The following CNGB1 variants were observed in gnomAD, a reference collection of about 807,000 sequenced individuals.
The protein encoded by CNGB1 is cyclic nucleotide gated channel subunit beta 1.
In CNGB1, 126 loss-of-function variants were observed where a neutral mutation model predicts 151.7. The ratio of observed to expected loss-of-function variants is 0.83; its 90% CI spans 0.72 to 0.96. The LOEUF (loss-of-function observed/expected upper bound fraction) is 0.96. CNGB1 is among the 40% of genes least tolerant of loss of function. The pLI is 0.00. For synonymous variants in CNGB1, 623 were observed against 635.1 expected (o/e 0.98, Z 0.29); for missense variants, 1,698 against 1,627.0 (o/e 1.04, Z -0.75).
Position 57,916,651 on chromosome 16 carries a change from C to T in CNGB1, c.2167-472G>A, listed in dbSNP as rs77249495. 2.1e-3 allele frequency among the ~76,000 whole-genome samples: 322 copies of T among 152,308 alleles called. 1 individual carries two copies. The highest frequency in any genetic ancestry group is 7.5e-3 in the African/African-American group (310 of 41,566). On this transcript the variant is annotated intron_variant, in intron 21 of 32. Transcript: ENST00000251102. ...CGGGGTGGAATTTTGGAAAGTGACC[C>T]ACACTGGGAGACAGGGACTGTGTCT...
At chr16:57,895,032 GC>G (rs1370215381) in intron 31 of CNGB1, among the ~76,000 whole-genome samples, 2 of 152,132 alleles carry the variant, frequency 1.3e-5, no homozygotes, top group African/African-American at 2.4e-5. Context: ...CTACCTAGAA[GC>G]CTTACTTTTT....
chr16:57,950,614 C>CCTGCAGGGAGT, intron 12 of CNGB1, 74 bp from the exon 13 acceptor site: 1 of 1,558,870 alleles, frequency 6.4e-7, no homozygotes, highest in Non-Finnish European at 8.8e-7. Flanking sequence ...TCCCAGGGAG[C>CCTGCAGGGAGT]CTGCAGGGAG....
At chr16:57,910,971 G>A (rs1416654503) in intron 25 of CNGB1, among the ~76,000 whole-genome samples, 4 of 152,018 alleles carry the variant, frequency 2.6e-5, no homozygotes, top group South Asian at 2.1e-4. Context: ...TGGTTCGCAC[G>A]TCATCATCAT....
intron 22 of CNGB1, among the ~76,000 whole-genome samples, chr16:57,915,913 A>AT (rs60222721): frequency 1.4e-5 from 2 of 147,120 alleles, no homozygotes; most frequent in African/African-American, 5.1e-5. Flanking sequence ...AAAAAAAAAA[A>AT]GAAAAGAAAA....
At chr16:57,968,352 C>T (rs749168541) in intron 1 of CNGB1, among the ~76,000 whole-genome samples, 44 of 152,114 alleles carry the variant, frequency 2.9e-4, no homozygotes, top group Non-Finnish European at 1.3e-4. Context: ...CAAAAATTAG[C>T]TGGGCATGGT....
chr16:57,903,698 G>T, intron 27 of CNGB1, 124 bp downstream of exon 27: 1 of 1,213,478 alleles, frequency 8.2e-7, no homozygotes, highest in Non-Finnish European at 1.2e-6. Flanking sequence ...AGCCAAGACA[G>T]GCCCCAGTAC....
chr16:57,897,400 G>C lies in CNGB1; in HGVS notation c.3239C>G (p.Ala1080Gly), dbSNP rs1960260343. 1 of 1,613,968 alleles carries C rather than the reference G, an allele frequency of 6.2e-7. No homozygotes were observed. Among genetic ancestry groups the C allele is most frequent in the African/African-American group, 1.3e-5 (1 of 74,888 alleles). ...PESQKLLRKK[A>G]RRMLRSNNKP... Reference sequence around the variant, plus strand: ...AAACGAAAGAAAAGTTACATACCTGGCTTTCTTCCGGAGTAACTTCTGAGA... The same window carrying C: ...AAACGAAAGAAAAGTTACATACCTGCCTTTCTTCCGGAGTAACTTCTGAGA... Residue 1080 changes from alanine to glycine, a missense_variant, in exon 31 of 33, where the codon GCC becomes GGC. By Grantham distance (60) the Ala-to-Gly change is moderately conservative (BLOSUM62 0). Coordinates refer to ENST00000251102, the MANE Select transcript of CNGB1 (RefSeq NM_001297.5).
intron 11 of CNGB1, 111 bp downstream of exon 11, chr16:57,958,299 G>A: frequency 5.2e-6 from 3 of 573,594 alleles, no homozygotes; most frequent in Non-Finnish European, 2.7e-6. Context: ...AGACAGGAAG[G>A]CTGGGGGAGC....
At chr16:57,922,222 T>C (rs1961055578) in intron 18 of CNGB1, among the ~76,000 whole-genome samples, 2 of 152,110 alleles carry the variant, frequency 1.3e-5, no homozygotes, top group South Asian at 4.1e-4. Context: ...GCCTACTGTC[T>C]CCTGTGGCTC....
In CNGB1 at chr16:57,901,378, G is replaced by A. The variant is rs1161913683; in HGVS notation, c.2950C>T (p.Leu984=). 6.2e-7 allele frequency: 1 copy of A among 1,614,186 alleles called. No individual in the cohort carries two copies. Among genetic ancestry groups the A allele is most frequent in the Admixed American group, 1.7e-5 (1 of 60,020 alleles). Residue 984 remains leucine, a synonymous_variant, in exon 29 of 33, where the codon CTG becomes TTG. Coordinates refer to ENST00000251102, the MANE Select transcript of CNGB1 (RefSeq NM_001297.5). The stretch of plus-strand genomic sequence containing the variant: ...TTCTTGCACACATAGTCGTTGGGCA[G>A]GTAGACAACAGAGCGAAGCCTCTTC... ...MLKRLRSVVY[L]PNDYVCKKGE...
intron 15 of CNGB1, among the ~76,000 whole-genome samples, 188 bp from the exon 16 acceptor site, chr16:57,939,780 C>T (rs1339771556): frequency 6.6e-6 from 1 of 152,220 alleles, no homozygotes; most frequent in Non-Finnish European, 1.5e-5. Context: ...CTGTAGAGGG[C>T]AGTGCACCCA....
chr16:57,948,837 A>G (rs1260093022), intron 14 of CNGB1, among the ~76,000 whole-genome samples: 1 of 152,132 alleles, frequency 6.6e-6, no homozygotes, highest in Non-Finnish European at 1.5e-5. Flanking sequence ...CTGTGTGTTT[A>G]ACATTGAAAT....
intron 31 of CNGB1, among the ~76,000 whole-genome samples, chr16:57,892,549 C>T (rs1310931154): frequency 2.0e-5 from 3 of 152,134 alleles, no homozygotes; most frequent in African/African-American, 7.2e-5. Flanking sequence ...ACACTACATC[C>T]TTTTACCTCG....
chr16:57,893,659 G>A (rs1344662687), intron 31 of CNGB1, among the ~76,000 whole-genome samples: 1 of 152,140 alleles, frequency 6.6e-6, no homozygotes, highest in Non-Finnish European at 1.5e-5. Flanking sequence ...TTAGCCGGGT[G>A]TGGTGGCATG....
rs548625073 is a variant in CNGB1, at chr16:57,957,810, TGGGACAACTGCAGTTCTGA to T, written c.838-452_838-434del. Among the ~76,000 whole-genome samples, 12 of 152,340 alleles carry T rather than the reference TGGGACAACTGCAGTTCTGA, an allele frequency of 7.9e-5. No individual in the cohort carries two copies. In the South Asian group the frequency reaches 2.5e-3, roughly 32 times the overall value. ...TGTAAACAACTGACCATTGGTCAGC[TGGGACAACTGCAGTTCTGA>T]GAGGGCCAGAGCTGAGGCCACACAG... On this transcript the variant is annotated intron_variant, in intron 11 of 32. Transcript: ENST00000251102.
At chr16:57,964,607 A>C in intron 2 of CNGB1, 63 bp from the exon 3 acceptor site, 1 of 1,536,584 alleles carries the variant, frequency 6.5e-7, no homozygotes, top group Non-Finnish European at 9.0e-7. Flanking sequence ...GGACAGGGGC[A>C]GCCTGATTCT....
At position 57,957,555 on chromosome 16, in the gene CNGB1, G is replaced by A. The variant is rs115710369; in HGVS notation, c.838-178C>T. On this transcript the variant is annotated intron_variant, in intron 11 of 32. Coordinates refer to ENST00000251102, the MANE Select transcript of CNGB1 (RefSeq NM_001297.5). The stretch of plus-strand genomic sequence containing the variant: ...GCCAATGAAGGATTTGAGGTGGGGG[G>A]AGGGGGCTTTGAGAGCTCGAGCCTT... Among the ~76,000 whole-genome samples, 1,079 of 152,328 alleles carry A rather than the reference G, an allele frequency of 7.1e-3. 13 individuals are homozygous for A. Among genetic ancestry groups the A allele is most frequent in the African/African-American group, 0.025 (1,038 of 41,580 alleles).
In CNGB1 at chr16:57,940,270, T is replaced by C. The variant is rs774903203; in HGVS notation, c.1173A>G (p.Glu391=). The change falls in exon 15 of 33, where the codon GAA becomes GAG. Residue 391 remains glutamate (E), a synonymous_variant. Coordinates refer to ENST00000251102, the MANE Select transcript of CNGB1 (RefSeq NM_001297.5). ...VVSQVGVGQS[E]EDGTRPQSTS... ...TGCTCTGGGGCCGGGTCCCGTCTTC[T>C]TCACTCTGGCCCACGCCCACCTGCG... The C allele has an allele frequency of 6.3e-7, 1 of 1,580,864 alleles. No homozygotes were observed. The highest frequency in any genetic ancestry group is 1.2e-5 in the South Asian group (1 of 86,342).
At chr16:57,892,582 A>G (rs1317602361) in intron 31 of CNGB1, among the ~76,000 whole-genome samples, 1 of 152,120 alleles carries the variant, frequency 6.6e-6, no homozygotes, top group Non-Finnish European at 1.5e-5. Flanking sequence ...GGCTCCTGTG[A>G]AAACCTAAGG....
Sources: allele counts gnomAD v4.1 joint callset (sites outside exome capture counted in the v4.1 genomes callset), GRCh38; gene constraint gnomAD v4.1.1; transcripts MANE v1.5; gene names NCBI Gene and HGNC (gene_info 2026-07-23, HGNC 2026-07-21).